Variants in ABR observed in about 807,000 individuals in gnomAD.
The protein encoded by ABR is active breakpoint cluster region-related protein.
ABR carries 35 observed loss-of-function variants against 107.2 expected under a neutral mutation model. The observed-to-expected ratio is 0.33, with a 90% CI of 0.25 to 0.43. ABR has a LOEUF of 0.43. Ranked by LOEUF, ABR falls within the 20% of genes least tolerant of loss-of-function variation. The probability of loss-of-function intolerance (pLI) is 1.00; values close to 1 mark genes in which losing one functional copy is unlikely to be tolerated. For synonymous variants in ABR, 498 were observed against 462.0 expected (o/e 1.08, Z -1.00); for missense variants, 815 against 1,115.2 (o/e 0.73, Z 3.83).
At chr17:1,220,961 G>C (rs531870590) in intron 1 of ABR, among the ~76,000 whole-genome samples, 3 of 152,244 alleles carry the variant, frequency 2.0e-5, no homozygotes, top group Non-Finnish European at 4.4e-5. Context: ...CAGTAAACAT[G>C]TAAAAGGCTA....
At chr17:1,009,865 C>A in intron 20 of ABR, 81 bp from the exon 21 acceptor site, 1 of 1,286,900 alleles carries the variant, frequency 7.8e-7, no homozygotes, top group East Asian at 2.3e-5. Flanking sequence ...GCTGTGGGCC[C>A]CTGCGGGAGA....
In ABR at chr17:1,049,865, G is replaced by A. The variant is rs112363148; in HGVS notation, c.1791+185C>T. On this transcript the variant is annotated intron_variant, in intron 16 of 22. Coordinates refer to ENST00000302538, the MANE Select transcript of ABR (RefSeq NM_021962.5). ...CACCTGAGGAGCCACGCACACGCCTGGGCTTCCGGGGCCACAACAGGCAGC... is the reference window on the plus strand; with the variant it reads ...CACCTGAGGAGCCACGCACACGCCTAGGCTTCCGGGGCCACAACAGGCAGC... The A allele has an allele frequency of 3.0e-3, 2,254 of 760,420 alleles. 31 individuals are homozygous for A. The African/African-American group carries it at 0.034, about 12-fold the overall frequency. 47.1% of individuals were successfully genotyped at this position (760,420 alleles called of 1,614,324 possible).
rs1380234066 is a variant in ABR, at chr17:1,070,029, C to T, written c.956G>A (p.Arg319Gln). The T allele has an allele frequency of 1.9e-6, 3 of 1,613,478 alleles. No individual in the cohort carries two copies. The highest frequency in any genetic ancestry group is 1.7e-6 in the Non-Finnish European group (2 of 1,179,944). The change falls in exon 9 of 23, where the codon CGG becomes CAG. Residue 319 changes from arginine to glutamine, a missense_variant. Physicochemically the swap from Arg to Gln is conservative, Grantham distance 43 (BLOSUM62 1). Around this residue, in one of 5 missense-constraint regions of ABR, gnomAD observed 385 missense variants for 596.9 expected, o/e 0.64. Coordinates refer to ENST00000302538, the MANE Select transcript of ABR (RefSeq NM_021962.5). This position sits in a 1 kb window ranked among gnomAD's most constrained non-coding sequence, Gnocchi z 4.2. ...VEVSESSRKL[R>Q]HVFLFTDVLL... ...GACATCTGTAAAGAGGAAGACGTGC[C>T]GCAGCTTCCGGGAGCTCTCTGACAC... is the stretch of plus-strand genomic sequence containing the variant.
At chr17:1,055,953 G>C in intron 14 of ABR, 82 bp downstream of exon 14, 1 of 1,353,396 alleles carries the variant, frequency 7.4e-7, no homozygotes, top group South Asian at 1.2e-5. Context: ...GTCTAAAGGC[G>C]TGCTGGCAGG....
In ABR at chr17:1,179,652, GC is replaced by G. The variant is rs779392100; in HGVS notation, c.61+14del. On this transcript the variant is annotated intron_variant, in intron 1 of 22. Coordinates refer to ENST00000302538, the MANE Select transcript of ABR (RefSeq NM_021962.5). This position sits in a 1 kb window ranked among gnomAD's most constrained non-coding sequence, Gnocchi z 4.9. ...ATCCCGATCCTGGGGTCCCGCCCCCGCCCGGCACACGTACTGCTGTAGAGGG... is the reference window on the plus strand; with the variant it reads ...ATCCCGATCCTGGGGTCCCGCCCCCGCCGGCACACGTACTGCTGTAGAGGG... 1.4e-5 allele frequency: 22 copies of G among 1,526,918 alleles called. No homozygotes were observed. The East Asian group carries it at 5.3e-4, about 37-fold the overall frequency. 94.6% of individuals were successfully genotyped at this position (1,526,918 alleles called of 1,614,324 possible). A position where few individuals can be genotyped will look rare whatever the true frequency, so the allele number is the denominator to read the frequency against.
chr17:1,031,598 C>G (rs1824393414), intron 16 of ABR: 5 of 1,161,954 alleles, frequency 4.3e-6, no homozygotes, highest in Non-Finnish European at 4.2e-6. Flanking sequence ...CCGCGGGCAC[C>G]TTGTTTCGGA....
At chr17:1,108,047 C>A (rs2038375494) in intron 2 of ABR, among the ~76,000 whole-genome samples, 3 of 152,202 alleles carry the variant, frequency 2.0e-5, no homozygotes, top group Non-Finnish European at 1.5e-5. Flanking sequence ...CTTCTAGGCC[C>A]CGCCGATGGG....
Position 1,054,707 on chromosome 17 carries a change from G to T in ABR, c.1561+1328C>A, listed in dbSNP as rs62069677. ...GCACAAGGAACCTCAGGGGATGGGG[G>T]CACAAGGAACCTGAGGGGATGGGGG... is the stretch of plus-strand genomic sequence containing the variant. On this transcript the variant is annotated intron_variant, in intron 14 of 22. Transcript: ENST00000302538. Among the ~76,000 whole-genome samples the T allele has an allele frequency of 2.5e-3, 22 of 8,696 alleles. 9 individuals carry two copies. Among genetic ancestry groups the T allele is most frequent in the African/African-American group, 5.9e-3 (20 of 3,400 alleles). 5.7% of individuals were successfully genotyped at this position (8,696 alleles called of 152,430 possible).
Position 1,005,102 on chromosome 17 carries a change from A to T in ABR, c.*978T>A. 2.5e-6 allele frequency: 1 copy of T among 398,762 alleles called. No homozygotes were observed. Among genetic ancestry groups the T allele is most frequent in the African/African-American group, 2.1e-5 (1 of 48,720 alleles). The allele number at this position is 398,762 out of a possible 1,614,324, so 24.7% of individuals were successfully genotyped here. ...CCGGGACACCCAGCGTGGCATGTGC[A>T]TTCCTCCCCCGTTCAGCCTGTGGTG... On this transcript the variant is annotated 3_prime_UTR_variant, in exon 23 of 23. Transcript: ENST00000302538.
In ABR at chr17:1,084,473, G is replaced by A. The variant is rs775474894; in HGVS notation, c.532-846C>T. Among the ~76,000 whole-genome samples, 30 of 152,144 alleles carry A rather than the reference G, an allele frequency of 2.0e-4. No individual in the cohort carries two copies. Among genetic ancestry groups the A allele is most frequent in the Non-Finnish European group, 4.0e-4 (27 of 68,016 alleles). ...CTCTTCCACCTCCTCTACCTCCAAGGAGCCAAAGCCCCAGCCTCACTACAC... is the reference window on the plus strand; with the variant it reads ...CTCTTCCACCTCCTCTACCTCCAAGAAGCCAAAGCCCCAGCCTCACTACAC... On this transcript the variant is annotated intron_variant, in intron 4 of 22. Coordinates refer to ENST00000302538, the MANE Select transcript of ABR (RefSeq NM_021962.5). The surrounding 1 kb of genome is among the most constrained non-coding windows in gnomAD (Gnocchi z 4.2).
At chr17:1,194,733 A>T (rs1256379660) in intron 1 of ABR, among the ~76,000 whole-genome samples, 1 of 122,980 alleles carries the variant, frequency 8.1e-6, no homozygotes, top group Non-Finnish European at 1.7e-5. Context: ...AGCTCACTGC[A>T]ACCTCCACCT....
intron 10 of ABR, among the ~76,000 whole-genome samples, chr17:1,062,744 A>G (rs1241075027): frequency 1.4e-5 from 2 of 145,476 alleles, no homozygotes; most frequent in Non-Finnish European, 3.1e-5. Context: ...TCCTCTAGAC[A>G]CTGTTGTTAC....
chr17:1,065,798 T>G (rs2034669563), intron 10 of ABR, among the ~76,000 whole-genome samples: 1 of 142,700 alleles, frequency 7.0e-6, no homozygotes, highest in South Asian at 2.2e-4. Context: ...CAGGCTGGAG[T>G]GCAGCAGCGG....
intron 1 of ABR, among the ~76,000 whole-genome samples, chr17:1,142,936 G>A (rs564407083): frequency 6.6e-6 from 1 of 152,288 alleles, no homozygotes; most frequent in East Asian, 1.9e-4. Flanking sequence ...GGCAGAGGCT[G>A]TGGGGCAGCT....
chr17:1,095,361 GACCTTGGCTGTT>G (rs1272842368), intron 3 of ABR, among the ~76,000 whole-genome samples: 2 of 152,204 alleles, frequency 1.3e-5, no homozygotes, highest in African/African-American at 2.4e-5. Context: ...ACACGATGGG[GACCTTGGCTGTT>G]ACTCCTGATT....
upstream of ABR, among the ~76,000 whole-genome samples, chr17:1,187,570 C>G (rs2042334533): frequency 6.6e-6 from 1 of 152,330 alleles, no homozygotes; most frequent in Non-Finnish European, 1.5e-5. Flanking sequence ...GAATGATCAT[C>G]CCGCCGGACA....
At position 1,034,023 on chromosome 17, in the gene ABR, T is replaced by G. The variant is rs1357268476; in HGVS notation, c.1791+16027A>C. On this transcript the variant is annotated intron_variant, in intron 16 of 22. Transcript: ENST00000302538. Reference sequence around the variant, plus strand: ...TCTTGCTCTGTTGCCCAGGCTGGAGTGCAGTGGTGCAATCTTGGCTCACTG... The same window carrying G: ...TCTTGCTCTGTTGCCCAGGCTGGAGGGCAGTGGTGCAATCTTGGCTCACTG... 1.4e-5 allele frequency among the ~76,000 whole-genome samples: 2 copies of G among 147,696 alleles called. 1 individual carries two copies. Among genetic ancestry groups the G allele is most frequent in the South Asian group, 4.3e-4 (2 of 4,692 alleles).
intron 1 of ABR, among the ~76,000 whole-genome samples, chr17:1,216,333 T>C (rs1465610260): frequency 6.6e-6 from 1 of 152,198 alleles, no homozygotes; most frequent in Non-Finnish European, 1.5e-5. Flanking sequence ...CCACAGGGGC[T>C]GTGTCATTTG....
rs190270829 is a variant in ABR at position 1,048,795 on chromosome 17, G to C, written c.1791+1255C>G. On this transcript the variant is annotated intron_variant, in intron 16 of 22. Coordinates refer to ENST00000302538, the MANE Select transcript of ABR (RefSeq NM_021962.5). The stretch of plus-strand genomic sequence containing the variant: ...GCGCCTGGATCACGTCCGGGGCCAC[G>C]GTCAAGAAGCTCGGCGCCCAGCTGT... Among the ~76,000 whole-genome samples the C allele has an allele frequency of 1.8e-3, 276 of 149,826 alleles. 2 individuals are homozygous for C. Among genetic ancestry groups the C allele is most frequent in the Admixed American group, 0.015 (225 of 15,178 alleles).
Sources: gnomAD v4.1 joint callset for allele counts (sites outside exome capture counted in the v4.1 genomes callset) on GRCh38, gnomAD v4.1.1 for gene constraint, gnomAD v4.1.1 regional missense constraint, Gnocchi (gnomAD v3.1) non-coding constraint, MANE v1.5 for transcripts, NCBI Gene and HGNC (gene_info 2026-07-23, HGNC 2026-07-21) for gene names.